Variants in ARHGEF40 observed in about 807,000 individuals in gnomAD.
ARHGEF40 encodes the protein Rho guanine nucleotide exchange factor (GEF) 40.
A neutral mutation model predicts 165.9 loss-of-function variants in ARHGEF40; 98 were observed. That is an observed-to-expected ratio of 0.59 (90% CI 0.50 to 0.70). The LOEUF (loss-of-function observed/expected upper bound fraction) is 0.70. Ranked by LOEUF, ARHGEF40 falls within the 30% of genes least tolerant of loss-of-function variation. The pLI is 0.00. For synonymous variants in ARHGEF40, 792 were observed against 814.3 expected, an observed-to-expected ratio of 0.97 and a Z score of 0.47; for missense variants, 1,815 against 1,968.0, an observed-to-expected ratio of 0.92 and a Z score of 1.47.
Position 21,074,762 on chromosome 14 carries a change from C to T in ARHGEF40, c.1032C>T (p.Ala344=). 1.2e-6 allele frequency: 2 copies of T among 1,610,064 alleles called. 1 individual carries two copies. Among genetic ancestry groups the T allele is most frequent in the South Asian group, 2.2e-5 (2 of 90,810 alleles). ...SEPPAEAVGE[A]SGSCPLRPGE... ...CCCCAGCAGAGGCTGTGGGAGAAGC[C>T]TCCGGATCTTGCCCCCTGAGGCCAG... is the stretch of plus-strand genomic sequence containing the variant. Residue 344 remains alanine (A), a synonymous_variant, in exon 3 of 24, where the codon GCC becomes GCT. Coordinates refer to ENST00000298694, the MANE Select transcript of ARHGEF40 (RefSeq NM_018071.5). The surrounding 1 kb of genome is among the most constrained non-coding windows in gnomAD (Gnocchi z 4.8).
At chr14:21,080,630 C>A (rs1211734501) in intron 11 of ARHGEF40, 30 bp from the exon 12 acceptor site, 2 of 1,596,440 alleles carry the variant, frequency 1.3e-6, no homozygotes, top group South Asian at 2.2e-5. Flanking sequence ...CACTCCATGA[C>A]CCCCTGCCCT....
At chr14:21,084,668 C>T in intron 17 of ARHGEF40, 85 bp from the exon 18 acceptor site, 1 of 1,465,098 alleles carries the variant, frequency 6.8e-7, no homozygotes, top group Non-Finnish European at 9.2e-7. Context: ...CATTAGGCCA[C>T]TTGCCCTATA....
intron 13 of ARHGEF40, 189 bp from the exon 14 acceptor site, chr14:21,081,320 G>C (rs1594569780): frequency 7.0e-6 from 6 of 853,190 alleles, no homozygotes; most frequent in Non-Finnish European, 1.1e-5. Context: ...TTTTATATAG[G>C]CTCTTCCATC....
rs1381460065 is a variant in ARHGEF40, at chr14:21,073,785, T to C, written c.202-147T>C. The C allele has an allele frequency of 2.3e-6, 2 of 886,206 alleles. No individual in the cohort carries two copies. The highest frequency in any genetic ancestry group is 2.9e-5 in the Admixed American group (1 of 34,976). 54.9% of individuals were successfully genotyped at this position (886,206 alleles called of 1,614,324 possible). Reference sequence around the variant, plus strand: ...AATCCCTTCCTCTCTGCCACCTGAATACCCCAAATCTCCCCTCCTGCTCTC... The same window carrying C: ...AATCCCTTCCTCTCTGCCACCTGAACACCCCAAATCTCCCCTCCTGCTCTC... On this transcript the variant is annotated intron_variant, in intron 2 of 23. Transcript: ENST00000298694. This position sits in a 1 kb window ranked among gnomAD's most constrained non-coding sequence, Gnocchi z 4.6.
chr14:21,074,689 C>A lies in ARHGEF40; in HGVS notation c.959C>A (p.Pro320Gln). The change falls in exon 3 of 24, where the codon CCA (proline) becomes CAA (glutamine). Residue 320 changes from proline (P) to glutamine (Q), a missense_variant. Transcript: ENST00000298694. This position sits in a 1 kb window ranked among gnomAD's most constrained non-coding sequence, Gnocchi z 4.8. ...ACCGGAGCCTCCCCTGAGTCTCCCCCAGGAGCTGAGGCTGTCCCAGAGGCA... is the reference window on the plus strand; with the variant it reads ...ACCGGAGCCTCCCCTGAGTCTCCCCAAGGAGCTGAGGCTGTCCCAGAGGCA... ...SSTGASPESP[P>Q]GAEAVPEAAV... The A allele has an allele frequency of 6.3e-7, 1 of 1,583,100 alleles. No individual in the cohort carries two copies. Among genetic ancestry groups the A allele is most frequent in the Non-Finnish European group, 8.6e-7 (1 of 1,165,788 alleles).
chr14:21,082,180 A>T, intron 14 of ARHGEF40, 61 bp downstream of exon 14: 1 of 1,569,504 alleles, frequency 6.4e-7, no homozygotes, highest in Non-Finnish European at 8.7e-7. Context: ...GGAAAAGAAG[A>T]TGACATTGTT....
chr14:21,077,781 A>G (rs1594561459), intron 8 of ARHGEF40, among the ~76,000 whole-genome samples: 1 of 152,220 alleles, frequency 6.6e-6, no homozygotes, highest in Non-Finnish European at 1.5e-5. Flanking sequence ...AGGGGTCTGT[A>G]GATGGTCTCT....
In ARHGEF40 at chr14:21,070,335, G is replaced by A. The variant is rs1045673493; in HGVS notation, c.-62G>A. The A allele has an allele frequency of 5.7e-6, 8 of 1,398,084 alleles. No individual in the cohort carries two copies. The African/African-American group carries it at 6.1e-5, about 11-fold the overall frequency. 86.6% of individuals were successfully genotyped at this position (1,398,084 alleles called of 1,614,324 possible). A position where few individuals can be genotyped will look rare whatever the true frequency, so the allele number is the denominator to read the frequency against. On this transcript the variant is annotated 5_prime_UTR_variant, in exon 1 of 24. Transcript: ENST00000298694. This position sits in a 1 kb window ranked among gnomAD's most constrained non-coding sequence, Gnocchi z 4.7. ...GGCGAGACACGAGCGGCGGGAGGGAGGCGGTGGCGCGCCCGGCCCCGCCCG... is the reference window on the plus strand; with the variant it reads ...GGCGAGACACGAGCGGCGGGAGGGAAGCGGTGGCGCGCCCGGCCCCGCCCG...
rs770913979 is a variant in ARHGEF40 at position 21,084,930 on chromosome 14, T to C, written c.3960+7T>C. 1 of 1,611,576 alleles carries C rather than the reference T, an allele frequency of 6.2e-7. No homozygotes were observed. Among genetic ancestry groups the C allele is most frequent in the Admixed American group, 1.7e-5 (1 of 59,592 alleles). ...TTACAAGCAGGCCTTTAAGGTACGA[T>C]TCCTGGAGTGAGTGGTGGAGGTGAC... On this transcript the variant is annotated splice_region_variant and intron_variant, in intron 18 of 23. Transcript: ENST00000298694.
chr14:21,074,589 C>A lies in ARHGEF40; in HGVS notation c.859C>A (p.Arg287=), dbSNP rs761039757. The A allele has an allele frequency of 6.4e-7, 1 of 1,562,484 alleles. No homozygotes were observed. The highest frequency in any genetic ancestry group is 8.7e-7 in the Non-Finnish European group (1 of 1,154,274). ...AGGKGRHRRH[R]AWMHQKGLGP... The stretch of plus-strand genomic sequence containing the variant: ...AGGGAAGGGCCGCCACCGGAGACAC[C>A]GGGCGTGGATGCACCAGAAGGGCCT... The change falls in exon 3 of 24, where the codon CGG becomes AGG. Residue 287 remains arginine (R), a synonymous_variant. Coordinates refer to ENST00000298694, the MANE Select transcript of ARHGEF40 (RefSeq NM_018071.5). This position sits in a 1 kb window ranked among gnomAD's most constrained non-coding sequence, Gnocchi z 4.8.
chr14:21,076,453 T>G lies in ARHGEF40; in HGVS notation c.1833T>G (p.Leu611=). 6.2e-7 allele frequency: 1 copy of G among 1,614,060 alleles called. No homozygotes were observed. The highest frequency in any genetic ancestry group is 8.5e-7 in the Non-Finnish European group (1 of 1,180,022). The stretch of plus-strand genomic sequence containing the variant: ...CACTCATTCCTGCCTTGAGCCAACT[T>G]CAGGTAACCACCCCTCAAACAGGCA... The part of the protein sequence containing the change: ...PPALIPALSQ[L]QDSGDPPLVQ... Residue 611 remains leucine (L), a synonymous_variant, in exon 6 of 24, where the codon CTT becomes CTG. Transcript: ENST00000298694.
At position 21,084,884 on chromosome 14, in the gene ARHGEF40, A is replaced by C; in HGVS notation, c.3921A>C (p.Glu1307Asp). 6.2e-7 allele frequency: 1 copy of C among 1,614,108 alleles called. No individual in the cohort carries two copies. The highest frequency in any genetic ancestry group is 8.5e-7 in the Non-Finnish European group (1 of 1,180,006). The change falls in exon 18 of 24, where the codon GAA becomes GAC. Residue 1307 changes from glutamate to aspartate, a missense_variant. Transcript: ENST00000298694. ...TGTTCAGCAAGCTCAAGGGCCCTGA[A>C]GGGGGGTCAGAGATGTTTGTTTACA... ...LLLFSKLKGP[E>D]GGSEMFVYKQ...
rs1379009863 is a variant in ARHGEF40 at position 21,070,947 on chromosome 14, G to A, written c.3+548G>A. ...CCGGGTCCCGGGGCATGGCCAAAGA[G>A]GGAAATTCCCGCAGAGAAAAAGAGC... On this transcript the variant is annotated intron_variant, in intron 1 of 23. Transcript: ENST00000298694. The surrounding 1 kb of genome is among the most constrained non-coding windows in gnomAD (Gnocchi z 4.7). 1 of 1,297,874 alleles carries A rather than the reference G, an allele frequency of 7.7e-7. No homozygotes were observed. Among genetic ancestry groups the A allele is most frequent in the East Asian group, 2.5e-5 (1 of 39,628 alleles). The allele number at this position is 1,297,874 out of a possible 1,614,324, so 80.4% of individuals were successfully genotyped here.
chr14:21,080,534 T>C, intron 11 of ARHGEF40, 126 bp from the exon 12 acceptor site: 1 of 1,072,220 alleles, frequency 9.3e-7, no homozygotes, highest in Non-Finnish European at 1.3e-6. Flanking sequence ...ATTCCCACAT[T>C]GCAGATGAGA....
rs750093762 is a variant in ARHGEF40, at chr14:21,080,882, G to A, written c.2506G>A (p.Ala836Thr). 1 of 1,613,804 alleles carries A rather than the reference G, an allele frequency of 6.2e-7. No individual in the cohort carries two copies. The highest frequency in any genetic ancestry group is 1.1e-5 in the South Asian group (1 of 91,060). Residue 836 changes from alanine (A) to threonine (T), a missense_variant, in exon 13 of 24, where the codon GCC becomes ACC. Physicochemically the swap from Ala to Thr is moderately conservative, Grantham distance 58 (BLOSUM62 0). Coordinates refer to ENST00000298694, the MANE Select transcript of ARHGEF40 (RefSeq NM_018071.5). Reference sequence around the variant, plus strand: ...AGCCTCCCTTCTCCAGGAGCGCCTGGCCCAGGCACGGGAGGCCCTGGCTCT... The same window carrying A: ...AGCCTCCCTTCTCCAGGAGCGCCTGACCCAGGCACGGGAGGCCCTGGCTCT... ...AFSAEVQERL[A>T]QAREALALEE...
rs1887140028 is a variant in ARHGEF40, at chr14:21,073,434, A to G, written c.201+192A>G. ...ACCTTCACAGGCACTGACCATTCAG[A>G]TGCTAACACACACACACACACACAC... On this transcript the variant is annotated intron_variant, in intron 2 of 23. Transcript: ENST00000298694. This position sits in a 1 kb window ranked among gnomAD's most constrained non-coding sequence, Gnocchi z 4.6. Among the ~76,000 whole-genome samples, 1 of 135,586 alleles carries G rather than the reference A, an allele frequency of 7.4e-6. No homozygotes were observed. The highest frequency in any genetic ancestry group is 1.6e-5 in the Non-Finnish European group (1 of 61,738). 88.9% of individuals were successfully genotyped at this position (135,586 alleles called of 152,430 possible).
At position 21,082,295 on chromosome 14, in the gene ARHGEF40, G is replaced by A. The variant is rs764411248; in HGVS notation, c.3303G>A (p.Val1101=). The change falls in exon 15 of 24, where the codon GTG becomes GTA. Residue 1101 remains valine, a synonymous_variant. Transcript: ENST00000298694. Reference sequence around the variant, plus strand: ...TGATTGCCTGTGAACAAGATTACGTGGCCACCTTGAGTGAGCCAGTGCCAC... The same window carrying A: ...TGATTGCCTGTGAACAAGATTACGTAGCCACCTTGAGTGAGCCAGTGCCAC... ...SELIACEQDY[V]ATLSEPVPPP... is the part of the protein sequence containing the mutation. 3.1e-6 allele frequency: 5 copies of A among 1,613,062 alleles called. No individual in the cohort carries two copies. The South Asian group carries it at 5.5e-5, about 18-fold the overall frequency.
Position 21,084,809 on chromosome 14 carries a change from T to C in ARHGEF40, c.3846T>C (p.Cys1282=), listed in dbSNP as rs114757042. 1.2e-6 allele frequency: 2 copies of C among 1,614,216 alleles called. No homozygotes were observed. The highest frequency in any genetic ancestry group is 4.5e-5 in the East Asian group (2 of 44,890). Residue 1282 remains cysteine (C), a synonymous_variant, in exon 18 of 24, where the codon TGT becomes TGC. Coordinates refer to ENST00000298694, the MANE Select transcript of ARHGEF40 (RefSeq NM_018071.5). ...LLHRDPFTVI[C]GRKKCLRHVF... Reference sequence around the variant, plus strand: ...ATCGAGACCCCTTCACTGTCATCTGTGGCCGAAAGAAGTGCCTTCGCCATG... The same window carrying C: ...ATCGAGACCCCTTCACTGTCATCTGCGGCCGAAAGAAGTGCCTTCGCCATG...
chr14:21,074,533 T>C lies in ARHGEF40; in HGVS notation c.803T>C (p.Val268Ala). Reference sequence around the variant, plus strand: ...GAAGGCTCCCCAGGCCTCTCCAGAGTCCGGACGGTACCCACCCGCAAGGGC... The same window carrying C: ...GAAGGCTCCCCAGGCCTCTCCAGAGCCCGGACGGTACCCACCCGCAAGGGC... ...DAEGSPGLSR[V>A]RTVPTRKGAG... Residue 268 changes from valine to alanine, a missense_variant, in exon 3 of 24, where the codon GTC (valine) becomes GCC (alanine). By Grantham distance (64) the Val-to-Ala change is moderately conservative. Coordinates refer to ENST00000298694, the MANE Select transcript of ARHGEF40 (RefSeq NM_018071.5). The surrounding 1 kb of genome is among the most constrained non-coding windows in gnomAD (Gnocchi z 4.8). 6.5e-7 allele frequency: 1 copy of C among 1,549,824 alleles called. No individual in the cohort carries two copies. The highest frequency in any genetic ancestry group is 8.7e-7 in the Non-Finnish European group (1 of 1,147,754).
Sources: allele counts gnomAD v4.1 joint callset (sites outside exome capture counted in the v4.1 genomes callset), GRCh38; gene constraint gnomAD v4.1.1; non-coding constraint Gnocchi (gnomAD v3.1); transcripts MANE v1.5; gene names NCBI Gene and HGNC (gene_info 2026-07-23, HGNC 2026-07-21).